Variants in RUNDC3B observed in about 807,000 individuals in gnomAD.
RUNDC3B encodes RUN domain containing 3B.
RUNDC3B carries 33 observed loss-of-function variants against 58.4 expected under a neutral mutation model. The observed-to-expected ratio is 0.56, with a 90% confidence interval of 0.43 to 0.75. The LOEUF is 0.75. Ranked by LOEUF, RUNDC3B falls within the 30% of genes least tolerant of loss-of-function variation. The pLI is 0.00. For missense variants in RUNDC3B, 501 were observed against 535.7 expected, an observed-to-expected ratio of 0.94 and a Z score of 0.64; for synonymous variants, 193 against 195.2, an observed-to-expected ratio of 0.99 and a Z score of 0.10.
At chr7:87,747,104 C>T (rs1284943004) in intron 6 of RUNDC3B, among the ~76,000 whole-genome samples, 1 of 152,128 alleles carries the variant, frequency 6.6e-6, no homozygotes, top group Non-Finnish European at 1.5e-5. Flanking sequence ...TGGGTAGCCT[C>T]TGTCAGAGGG....
intron 7 of RUNDC3B, among the ~76,000 whole-genome samples, chr7:87,773,591 T>C (rs971836005): frequency 6.6e-6 from 1 of 152,146 alleles, no homozygotes; most frequent in Non-Finnish European, 1.5e-5. Context: ...CATATAACCT[T>C]TTCAAGCATA....
In RUNDC3B at chr7:87,831,236, T is replaced by C. The variant is rs1838111775; in HGVS notation, c.*1206T>C. 1 of 151,754 alleles carries C rather than the reference T, an allele frequency of 6.6e-6. No homozygotes were observed. 9.4% of individuals were successfully genotyped at this position (151,754 alleles called of 1,614,324 possible). A position where few individuals can be genotyped will look rare whatever the true frequency, so the allele number is the denominator to read the frequency against. On this transcript the variant is annotated 3_prime_UTR_variant, in exon 11 of 11. Coordinates refer to ENST00000394654, the MANE Select transcript of RUNDC3B (RefSeq NM_001134405.2). ...ACATGATTAGCTGTGCCAAAGAAAT[T>C]TTATACATTGTTTACATGATGAGGC...
intron 10 of RUNDC3B, among the ~76,000 whole-genome samples, chr7:87,822,048 A>G (rs1051452523): frequency 2.0e-5 from 3 of 151,960 alleles, no homozygotes; most frequent in Admixed American, 6.5e-5. Context: ...AATGGGATCT[A>G]ATTAAACTAA....
chr7:87,688,398 A>G (rs2034100026), intron 2 of RUNDC3B, among the ~76,000 whole-genome samples: 1 of 151,946 alleles, frequency 6.6e-6, no homozygotes, highest in African/African-American at 2.4e-5. Flanking sequence ...ATATACACAT[A>G]ATCTTATGTT....
intron 2 of RUNDC3B, among the ~76,000 whole-genome samples, chr7:87,681,038 A>C (rs1317619649): frequency 2.0e-5 from 3 of 150,566 alleles, no homozygotes; most frequent in Non-Finnish European, 4.4e-5. Context: ...GGAATGAAAG[A>C]GGGCATATGA....
intron 4 of RUNDC3B, among the ~76,000 whole-genome samples, chr7:87,721,971 A>AT (rs937983231): frequency 2.0e-5 from 3 of 151,906 alleles, no homozygotes; most frequent in African/African-American, 7.3e-5. Flanking sequence ...ACATTATCAC[A>AT]TTTTTTAAAT....
chr7:87,704,027 TCTC>T (rs960509735), intron 3 of RUNDC3B, among the ~76,000 whole-genome samples: 46 of 146,000 alleles, frequency 3.2e-4, no homozygotes, highest in Non-Finnish European at 5.3e-4. Context: ...CTCAAGCAAT[TCTC>T]CTGCCTCAAC....
At chr7:87,818,048 C>CT (rs1339289479) in intron 10 of RUNDC3B, among the ~76,000 whole-genome samples, 5 of 151,906 alleles carry the variant, frequency 3.3e-5, no homozygotes, top group East Asian at 1.9e-4. Flanking sequence ...TATTTTAGTA[C>CT]TTTTTTTATA....
At chr7:87,770,200 C>A (rs1268017349) in intron 6 of RUNDC3B, among the ~76,000 whole-genome samples, 1 of 152,096 alleles carries the variant, frequency 6.6e-6, no homozygotes, top group African/African-American at 2.4e-5. Context: ...GAAGATTGAG[C>A]AGGCAGCAAT....
chr7:87,654,324 T>C (rs970316205), intron 2 of RUNDC3B, among the ~76,000 whole-genome samples: 4 of 151,922 alleles, frequency 2.6e-5, no homozygotes, highest in African/African-American at 9.7e-5. Context: ...ATACTTGACT[T>C]CAAAATATAC....
At chr7:87,632,275 A>C (rs934029105) in intron 1 of RUNDC3B, among the ~76,000 whole-genome samples, 3 of 152,214 alleles carry the variant, frequency 2.0e-5, no homozygotes, top group African/African-American at 7.2e-5. Flanking sequence ...GCTTTATTCA[A>C]GTGCAATATA....
At chr7:87,649,224 T>C (rs1224862630) in intron 1 of RUNDC3B, among the ~76,000 whole-genome samples, 6 of 152,296 alleles carry the variant, frequency 3.9e-5, no homozygotes, top group Non-Finnish European at 8.8e-5. Flanking sequence ...CTACACATGT[T>C]AAAACCCATA....
chr7:87,760,847 C>G (rs1286058121), intron 6 of RUNDC3B, among the ~76,000 whole-genome samples: 1 of 151,760 alleles, frequency 6.6e-6, no homozygotes, highest in Non-Finnish European at 1.5e-5. Context: ...ATCTAAGACC[C>G]ACATGTAAGA....
intron 4 of RUNDC3B, among the ~76,000 whole-genome samples, chr7:87,733,813 C>T (rs565749403): frequency 6.6e-6 from 1 of 152,284 alleles, no homozygotes; most frequent in South Asian, 2.1e-4. Context: ...TGTTCACTGG[C>T]CCACCACTCA....
chr7:87,672,325 C>T (rs1051786609), intron 2 of RUNDC3B, among the ~76,000 whole-genome samples: 1 of 152,198 alleles, frequency 6.6e-6, no homozygotes. Context: ...TCAGCTTGGA[C>T]TCTCCAAAGC....
At chr7:87,727,864 T>C (rs777129490) in intron 4 of RUNDC3B, among the ~76,000 whole-genome samples, 6 of 152,118 alleles carry the variant, frequency 3.9e-5, no homozygotes, top group Non-Finnish European at 7.4e-5. Flanking sequence ...ACAAGTACCA[T>C]ACGGTAAGCT....
intron 2 of RUNDC3B, among the ~76,000 whole-genome samples, chr7:87,670,969 C>T (rs754618027): frequency 4.0e-5 from 6 of 151,770 alleles, no homozygotes; most frequent in African/African-American, 7.3e-5. Flanking sequence ...TTGGGGCGAT[C>T]TCAGTGTTTA....
At position 87,638,488 on chromosome 7, in the gene RUNDC3B, G is replaced by A. The variant is rs537641209; in HGVS notation, c.122+9543G>A. On this transcript the variant is annotated intron_variant, in intron 1 of 10. Transcript: ENST00000394654. ...TGTGAACCGCAAATTGTCTTTGTGGGAAATCATTTAGTAACGGAATCAATT... is the reference window on the plus strand; with the variant it reads ...TGTGAACCGCAAATTGTCTTTGTGGAAAATCATTTAGTAACGGAATCAATT... 2.2e-4 allele frequency among the ~76,000 whole-genome samples: 34 copies of A among 152,062 alleles called. No homozygotes were observed. In the South Asian group the frequency reaches 6.9e-3, roughly 31 times the overall value.
chr7:87,688,034 G>T (rs1435487033), intron 2 of RUNDC3B, among the ~76,000 whole-genome samples: 4 of 151,966 alleles, frequency 2.6e-5, no homozygotes, highest in Non-Finnish European at 5.9e-5. Context: ...ATATACTCAG[G>T]CCAAAACATG....
Sources: gnomAD v4.1 joint callset for allele counts (sites outside exome capture counted in the v4.1 genomes callset) on GRCh38, gnomAD v4.1.1 for gene constraint, MANE v1.5 for transcripts, NCBI Gene and HGNC (gene_info 2026-07-23, HGNC 2026-07-21) for gene names.